The following YES1 variants were observed in gnomAD, a reference collection of about 807,000 sequenced individuals.
The protein encoded by YES1 is YES proto-oncogene 1, Src family tyrosine kinase, also known as tyrosine-protein kinase Yes.
A neutral mutation model predicts 70.4 loss-of-function variants in YES1; 39 were observed. That is an observed-to-expected ratio of 0.55 (90% CI 0.43 to 0.72). The LOEUF (loss-of-function observed/expected upper bound fraction) is 0.72, where lower values mean the gene tolerates loss of function less well. YES1 is among the 30% of genes least tolerant of loss of function. The pLI is 0.00. For missense variants in YES1, 495 were observed against 644.8 expected (o/e 0.77, Z 2.52); for synonymous variants, 198 against 218.6 (o/e 0.91, Z 0.83).
chr18:803,074 A>G (rs1477602416), intron 1 of YES1, among the ~76,000 whole-genome samples: 2 of 150,678 alleles, frequency 1.3e-5, no homozygotes, highest in East Asian at 3.9e-4. Flanking sequence ...TTTAAAAATT[A>G]AAAAAAAAAT....
chr18:745,864 G>A lies in YES1; in HGVS notation c.575-7C>T, dbSNP rs1240955230. 1 of 1,608,874 alleles carries A rather than the reference G, an allele frequency of 6.2e-7. No homozygotes were observed. The highest frequency in any genetic ancestry group is 1.7e-5 in the Admixed American group (1 of 58,824). On this transcript the variant is annotated splice_region_variant and splice_polypyrimidine_tract_variant and intron_variant, in intron 5 of 11. Coordinates refer to ENST00000314574, the MANE Select transcript of YES1 (RefSeq NM_005433.4). ...ATAGAAAGGGAATAAGCACCTGGGTGAAAAATAAATACTTTCACTATATCT... is the reference window on the plus strand; with the variant it reads ...ATAGAAAGGGAATAAGCACCTGGGTAAAAAATAAATACTTTCACTATATCT...
intron 1 of YES1, among the ~76,000 whole-genome samples, chr18:761,157 C>T (rs1360609001): frequency 1.3e-5 from 2 of 150,372 alleles, no homozygotes; most frequent in Non-Finnish European, 3.0e-5. Flanking sequence ...TATATATCCA[C>T]AAAATATGTA....
In YES1 at chr18:745,712, G is replaced by C; in HGVS notation, c.720C>G (p.Tyr240Ter). The change falls in exon 6 of 12, where the codon TAC (tyrosine) becomes TAG (stop). Residue 240 changes from tyrosine (Y) to a stop codon, truncating the protein, a stop_gained. Transcript: ENST00000314574. LOFTEE classifies it high-confidence loss of function. ...FDTLQKLVKH[Y>*]TEHADGLCHK... ...ACCTTTGAAATATTCACATACCTGT[G>C]TAGTGTTTCACCAATTTCTGCAGAG... 1 of 1,608,268 alleles carries C rather than the reference G, an allele frequency of 6.2e-7. No individual in the cohort carries two copies. Among genetic ancestry groups the C allele is most frequent in the Non-Finnish European group, 8.5e-7 (1 of 1,178,568 alleles).
Position 724,338 on chromosome 18 carries a change from G to T in YES1, c.*86C>A, listed in dbSNP as rs2079992556. 1 of 1,303,352 alleles carries T rather than the reference G, an allele frequency of 7.7e-7. No homozygotes were observed. The highest frequency in any genetic ancestry group is 1.1e-6 in the Non-Finnish European group (1 of 942,176). The allele number at this position is 1,303,352 out of a possible 1,614,324, so 80.7% of individuals were successfully genotyped here. On this transcript the variant is annotated 3_prime_UTR_variant, in exon 12 of 12. Coordinates refer to ENST00000314574, the MANE Select transcript of YES1 (RefSeq NM_005433.4). Reference sequence around the variant, plus strand: ...CATTAAAAACATGCAGAGTAAAGAAGATTTTCTTCTTTTGATTCCTGTAGA... The same window carrying T: ...CATTAAAAACATGCAGAGTAAAGAATATTTTCTTCTTTTGATTCCTGTAGA...
chr18:756,938 C>T, intron 1 of YES1, 103 bp from the exon 2 acceptor site: 1 of 1,108,322 alleles, frequency 9.0e-7, no homozygotes, highest in South Asian at 1.7e-5. Flanking sequence ...GCCATCCCTG[C>T]AAAAAGGAAC....
chr18:735,535 G>A (rs2080142587), intron 10 of YES1, among the ~76,000 whole-genome samples: 1 of 151,934 alleles, frequency 6.6e-6, no homozygotes. Context: ...TGTTGGAGGT[G>A]AAACCCCGTC....
intron 1 of YES1, among the ~76,000 whole-genome samples, chr18:782,867 G>C (rs1361980719): frequency 6.6e-6 from 1 of 152,066 alleles, no homozygotes; most frequent in Non-Finnish European, 1.5e-5. Context: ...GCTAATTTTT[G>C]TATTTTTAGT....
At chr18:769,957 C>CTTTT (rs10645789) in intron 1 of YES1, among the ~76,000 whole-genome samples, 2 of 144,554 alleles carry the variant, frequency 1.4e-5, no homozygotes, top group South Asian at 2.2e-4. Context: ...TCTTCCTGTT[C>CTTTT]TTTTTTTTTT....
intron 6 of YES1, among the ~76,000 whole-genome samples, chr18:744,536 C>T (rs2080255314): frequency 6.6e-6 from 1 of 151,696 alleles, no homozygotes; most frequent in Non-Finnish European, 1.5e-5. Flanking sequence ...CCTACAGGTG[C>T]ATGCCACCAC....
chr18:742,877 A>G (rs1394016656), intron 8 of YES1, 41 bp downstream of exon 8: 8 of 1,487,640 alleles, frequency 5.4e-6, no homozygotes. Context: ...ACTCTTAAAA[A>G]CATTATCAAC....
At chr18:774,822 A>T (rs1010163876) in intron 1 of YES1, among the ~76,000 whole-genome samples, 1 of 152,158 alleles carries the variant, frequency 6.6e-6, no homozygotes, top group African/African-American at 2.4e-5. Flanking sequence ...TTCCAATTGC[A>T]CTTAAAGTCA....
Position 722,839 on chromosome 18 carries a change from T to C in YES1, c.*1585A>G, listed in dbSNP as rs1231927817. The stretch of plus-strand genomic sequence containing the variant: ...TGGGCGCGGTGGCTCACGCCTGTAA[T>C]CCCAGCACTTTGGGAGGCCGAGGCG... On this transcript the variant is annotated 3_prime_UTR_variant, in exon 12 of 12. Coordinates refer to ENST00000314574, the MANE Select transcript of YES1 (RefSeq NM_005433.4). 2 of 152,202 alleles carry C rather than the reference T, an allele frequency of 1.3e-5. No homozygotes were observed. The highest frequency in any genetic ancestry group is 2.4e-5 in the African/African-American group (1 of 41,450). The allele number at this position is 152,202 out of a possible 1,614,324, so 9.4% of individuals were successfully genotyped here. A position where few individuals can be genotyped will look rare whatever the true frequency, so the allele number is the denominator to read the frequency against.
intron 1 of YES1, among the ~76,000 whole-genome samples, chr18:804,913 C>CAAATAAA (rs375635277): frequency 1.1e-5 from 1 of 94,126 alleles, no homozygotes; most frequent in Non-Finnish European, 1.9e-5. Flanking sequence ...GACTCTGACT[C>CAAATAAA]AAAAAAAAAA....
intron 3 of YES1, among the ~76,000 whole-genome samples, chr18:750,039 A>G (rs563164448): frequency 6.6e-6 from 1 of 152,204 alleles, no homozygotes; most frequent in South Asian, 2.1e-4. Context: ...ATTTGTTACT[A>G]AAGATTAAAT....
At chr18:787,029 T>C (rs1905985344) in intron 1 of YES1, among the ~76,000 whole-genome samples, 2 of 148,504 alleles carry the variant, frequency 1.3e-5, no homozygotes, top group South Asian at 4.2e-4. Context: ...TGAATATTGA[T>C]AGAAAAGATG....
In YES1 at chr18:743,418, A is replaced by G; in HGVS notation, c.725-3T>C. ...GTGGCATAAACCATCAGCATGTTCT[A>G]GATAAATGAATAAACTATACTGTAA... On this transcript the variant is annotated splice_polypyrimidine_tract_variant and splice_region_variant and intron_variant, in intron 6 of 11. Transcript: ENST00000314574. 6.2e-7 allele frequency: 1 copy of G among 1,609,842 alleles called. No individual in the cohort carries two copies. Among genetic ancestry groups the G allele is most frequent in the Non-Finnish European group, 8.5e-7 (1 of 1,177,802 alleles).
At chr18:810,634 T>C (rs1009385197) in intron 1 of YES1, among the ~76,000 whole-genome samples, 1 of 152,192 alleles carries the variant, frequency 6.6e-6, no homozygotes, top group Non-Finnish European at 1.5e-5. Flanking sequence ...TCAAAGGCAA[T>C]TGTCTTTTTC....
chr18:798,188 T>G (rs1166070226), intron 1 of YES1: 1 of 152,220 alleles, frequency 6.6e-6, no homozygotes, highest in Non-Finnish European at 1.5e-5. Context: ...CAGAGCAACT[T>G]CTTGTTTCAG....
At chr18:801,286 T>G (rs573119435) in intron 1 of YES1, among the ~76,000 whole-genome samples, 1 of 152,308 alleles carries the variant, frequency 6.6e-6, no homozygotes, top group African/African-American at 2.4e-5. Context: ...TTAGCAGTGA[T>G]TGTGCAACTG....
Sources: gnomAD v4.1 joint callset for allele counts (sites outside exome capture counted in the v4.1 genomes callset) on GRCh38, gnomAD v4.1.1 for gene constraint, MANE v1.5 for transcripts, NCBI Gene and HGNC (gene_info 2026-07-23, HGNC 2026-07-21) for gene names.